The following UBR1 variants were observed in gnomAD, a reference collection of about 807,000 sequenced individuals.
UBR1 encodes the protein E3 ubiquitin-protein ligase UBR1.
In UBR1, 102 loss-of-function variants were observed where a neutral mutation model predicts 242.1. The ratio of observed to expected loss-of-function variants is 0.42; its 90% CI spans 0.36 to 0.50. UBR1 has a LOEUF of 0.50. UBR1 is among the 20% of genes least tolerant of loss of function. The probability of loss-of-function intolerance (pLI) is 0.01; values close to 1 mark genes in which losing one functional copy is unlikely to be tolerated. For missense variants in UBR1, 1,772 were observed against 2,101.8 expected (o/e 0.84, Z 3.07); for synonymous variants, 675 against 684.8 (o/e 0.99, Z 0.22).
chr15:42,998,067 A>G, intron 33 of UBR1, 101 bp downstream of exon 33: 1 of 1,047,028 alleles, frequency 9.6e-7, no homozygotes, highest in Non-Finnish European at 1.4e-6. Flanking sequence ...TATTCAAGAA[A>G]TCTGTACTTG....
At chr15:43,055,314 A>G (rs1445783840) in intron 11 of UBR1, among the ~76,000 whole-genome samples, 2 of 152,056 alleles carry the variant, frequency 1.3e-5, no homozygotes, top group Non-Finnish European at 2.9e-5. Flanking sequence ...GTGTGGTGGC[A>G]ATGCCTGTAA....
At chr15:43,087,363 C>G (rs1337974065) in intron 1 of UBR1, among the ~76,000 whole-genome samples, 1 of 151,936 alleles carries the variant, frequency 6.6e-6, no homozygotes, top group African/African-American at 2.4e-5. Context: ...CGAGAATGCG[C>G]CACTGTACTC....
At chr15:42,972,198 C>A (rs2032217925) in intron 39 of UBR1, among the ~76,000 whole-genome samples, 1 of 152,168 alleles carries the variant, frequency 6.6e-6, no homozygotes, top group African/African-American at 2.4e-5. Context: ...AACACCCTTA[C>A]CCCTGGCAAT....
At chr15:43,013,182 G>C (rs1349960181) in intron 29 of UBR1, among the ~76,000 whole-genome samples, 1 of 152,192 alleles carries the variant, frequency 6.6e-6, no homozygotes, top group Non-Finnish European at 1.5e-5. Context: ...TGGGATTACA[G>C]AGGTTAGCCA....
chr15:43,079,228 G>A (rs1287899262), intron 3 of UBR1, among the ~76,000 whole-genome samples: 4 of 152,036 alleles, frequency 2.6e-5, no homozygotes, highest in South Asian at 4.2e-4. Flanking sequence ...CACCTTGGGA[G>A]GCCGAGGCAG....
intron 25 of UBR1, 37 bp downstream of exon 25, chr15:43,024,792 G>C: frequency 6.2e-7 from 1 of 1,613,888 alleles, no homozygotes; most frequent in Non-Finnish European, 8.5e-7. Context: ...AAGAACTCTA[G>C]GACTTGATGT....
At chr15:43,030,594 T>C (rs142403442) in intron 20 of UBR1, among the ~76,000 whole-genome samples, 21 of 152,338 alleles carry the variant, frequency 1.4e-4, no homozygotes, top group Admixed American at 1.0e-3. Flanking sequence ...GTATTAAAAA[T>C]GACTGGTGCT....
At chr15:43,015,260 A>T (rs914331010) in intron 29 of UBR1, among the ~76,000 whole-genome samples, 1 of 152,176 alleles carries the variant, frequency 6.6e-6, no homozygotes, top group African/African-American at 2.4e-5. Context: ...GTGTAGAAAG[A>T]AGTAGACATG....
intron 41 of UBR1, among the ~76,000 whole-genome samples, chr15:42,965,167 T>A (rs998486730): frequency 1.6e-4 from 25 of 152,176 alleles, no homozygotes; most frequent in African/African-American, 6.0e-4. Flanking sequence ...CTAGATCAGA[T>A]AAACCCTACT....
At chr15:42,981,403 T>A (rs1048682349) in intron 37 of UBR1, among the ~76,000 whole-genome samples, 11 of 152,220 alleles carry the variant, frequency 7.2e-5, no homozygotes, top group African/African-American at 2.2e-4. Context: ...TTATCTATTA[T>A]GTGTACTCCC....
At chr15:43,100,780 A>G (rs1211096170) in intron 1 of UBR1, among the ~76,000 whole-genome samples, 2 of 152,216 alleles carry the variant, frequency 1.3e-5, no homozygotes, top group Non-Finnish European at 2.9e-5. Context: ...GGTTGCAGTG[A>G]GCCGAGATCG....
chr15:43,090,541 A>G (rs1275607478), intron 1 of UBR1, among the ~76,000 whole-genome samples: 2 of 152,256 alleles, frequency 1.3e-5, no homozygotes, highest in East Asian at 3.9e-4. Flanking sequence ...ACCTGGCAAC[A>G]ACTACAACTA....
At chr15:43,039,355 G>A (rs1041235663) in intron 15 of UBR1, among the ~76,000 whole-genome samples, 2 of 152,124 alleles carry the variant, frequency 1.3e-5, no homozygotes, top group African/African-American at 2.4e-5. Context: ...TTATTTCGTT[G>A]AGCAATGGTT....
chr15:43,072,935 G>C (rs2033840646), intron 4 of UBR1, among the ~76,000 whole-genome samples: 1 of 152,164 alleles, frequency 6.6e-6, no homozygotes, highest in South Asian at 2.1e-4. Context: ...GGCCGAGGCA[G>C]ATGAATCACT....
At chr15:43,067,086 T>C (rs968769563) in intron 6 of UBR1, among the ~76,000 whole-genome samples, 2 of 152,254 alleles carry the variant, frequency 1.3e-5, no homozygotes, top group African/African-American at 2.4e-5. Flanking sequence ...GAAATAGAGA[T>C]AATAATATGA....
rs927029938 is a variant in UBR1 at position 42,970,558 on chromosome 15, T to C, written c.4419A>G (p.Ala1473=). 10 of 1,613,824 alleles carry C rather than the reference T, an allele frequency of 6.2e-6. No homozygotes were observed. The highest frequency in any genetic ancestry group is 7.6e-6 in the Non-Finnish European group (9 of 1,180,004). The change falls in exon 40 of 47, where the codon GCA becomes GCG. Residue 1473 remains alanine (A), a synonymous_variant. Coordinates refer to ENST00000290650, the MANE Select transcript of UBR1 (RefSeq NM_174916.3). ...GAGAAATTTCTGCAAAGAAAGAAGA[T>C]GCGGAATGAGCCTCTTCACTGTCTT... ...VQEDSEEAHS[A]SSFFAEISQY... is the part of the protein sequence containing the mutation.
intron 1 of UBR1, among the ~76,000 whole-genome samples, chr15:43,089,437 G>A (rs1461710239): frequency 6.6e-6 from 1 of 152,090 alleles, no homozygotes; most frequent in Non-Finnish European, 1.5e-5. Flanking sequence ...GGAGCTTGCA[G>A]TAAGCTGAGA....
chr15:43,096,549 T>C (rs1233095779), intron 1 of UBR1, among the ~76,000 whole-genome samples: 1 of 152,238 alleles, frequency 6.6e-6, no homozygotes, highest in African/African-American at 2.4e-5. Context: ...TGTGATAGCA[T>C]GTTACCAATG....
chr15:42,949,379 T>C (rs1416572791), intron 46 of UBR1, among the ~76,000 whole-genome samples: 2 of 151,448 alleles, frequency 1.3e-5, no homozygotes, highest in Admixed American at 1.3e-4. Context: ...TGTATACATA[T>C]GTAACTAACC....
Sources: allele counts gnomAD v4.1 joint callset (sites outside exome capture counted in the v4.1 genomes callset), GRCh38; gene constraint gnomAD v4.1.1; transcripts MANE v1.5; gene names NCBI Gene and HGNC (gene_info 2026-07-23, HGNC 2026-07-21).